DLGAP1: variants seen among roughly 807,000 people sequenced by gnomAD.
DLGAP1 encodes the protein disks large-associated protein 1.
In DLGAP1, 11 loss-of-function variants were observed where a neutral mutation model predicts 90.8. The observed-to-expected ratio is 0.12, with a 90% CI of 0.08 to 0.20. DLGAP1 has a LOEUF of 0.20. Among genes scored for constraint, DLGAP1 ranks in the 10% least tolerant of loss-of-function variants. The pLI, the probability that DLGAP1 is intolerant of heterozygous loss-of-function variation, is 1.00. For missense variants in DLGAP1, 1,050 were observed against 1,333.8 expected, an observed-to-expected ratio of 0.79 and a Z score of 3.31; for synonymous variants, 558 against 540.7, an observed-to-expected ratio of 1.03 and a Z score of -0.44.
rs1185351612 is a variant in DLGAP1, at chr18:3,650,862, T to A, written c.1592-68614A>T. ...GGTGGGCGGATCATGAGGTCAGGAG[T>A]TGGAGACCATCCTGGCCAACATGGT... On this transcript the variant is annotated intron_variant, in intron 7 of 12. Coordinates refer to ENST00000315677, the MANE Select transcript of DLGAP1 (RefSeq NM_004746.4). Among the ~76,000 whole-genome samples the A allele has an allele frequency of 4.3e-3, 530 of 122,320 alleles. No individual in the cohort carries two copies. The Middle Eastern group carries it at 0.057, about 13-fold the overall frequency. The allele number at this position is 122,320 out of a possible 152,430, so 80.2% of individuals were successfully genotyped here.
At chr18:3,822,601 C>T (rs1473048681) in intron 4 of DLGAP1, among the ~76,000 whole-genome samples, 1 of 152,286 alleles carries the variant, frequency 6.6e-6, no homozygotes, top group African/African-American at 2.4e-5. Context: ...GGGTTTGAAG[C>T]TTGTTCCCAT....
At chr18:4,220,115 A>C (rs2144961927) in intron 1 of DLGAP1, among the ~76,000 whole-genome samples, 1 of 152,178 alleles carries the variant, frequency 6.6e-6, no homozygotes, top group African/African-American at 2.4e-5. Context: ...GTGAACACAG[A>C]ATACCTTTCC....
intron 3 of DLGAP1, 70 bp from the exon 4 acceptor site, chr18:3,880,210 G>A: frequency 1.3e-6 from 1 of 751,006 alleles, no homozygotes; most frequent in Non-Finnish European, 2.2e-6. Flanking sequence ...ACTTTACAGG[G>A]TCTTGCTCTG....
At chr18:4,392,277 A>T (rs1307728856) in intron 1 of DLGAP1, among the ~76,000 whole-genome samples, 1 of 152,140 alleles carries the variant, frequency 6.6e-6, no homozygotes, top group African/African-American at 2.4e-5. Context: ...TTAGTGGAGG[A>T]GCTGCTCATA....
chr18:3,913,932 A>G (rs1332637720), intron 3 of DLGAP1, among the ~76,000 whole-genome samples: 2 of 152,244 alleles, frequency 1.3e-5, no homozygotes, highest in Non-Finnish European at 2.9e-5. Context: ...TACTAATTTG[A>G]ACTGGAAACT....
chr18:3,937,275 G>C (rs1034860366), intron 3 of DLGAP1, among the ~76,000 whole-genome samples: 2 of 152,164 alleles, frequency 1.3e-5, no homozygotes, highest in African/African-American at 4.8e-5. Context: ...GTAAAGGAGA[G>C]ATGTTTAATT....
intron 1 of DLGAP1, among the ~76,000 whole-genome samples, chr18:4,434,471 G>C (rs1291251508): frequency 6.6e-6 from 1 of 152,122 alleles, no homozygotes; most frequent in East Asian, 1.9e-4. Context: ...TCTAAAAACA[G>C]CCTGCACGTT....
chr18:4,426,971 T>G (rs1217769282), intron 1 of DLGAP1, among the ~76,000 whole-genome samples: 1 of 152,234 alleles, frequency 6.6e-6, no homozygotes, highest in Admixed American at 6.5e-5. Flanking sequence ...ATTATGAACT[T>G]ACTAATGTTA....
intron 5 of DLGAP1, among the ~76,000 whole-genome samples, chr18:3,763,982 A>G (rs1004665388): frequency 6.6e-6 from 1 of 152,152 alleles, no homozygotes; most frequent in Admixed American, 6.5e-5. Flanking sequence ...TTCTTATGCA[A>G]TACATGCATA....
chr18:3,912,921 C>A lies in DLGAP1; in HGVS notation c.-72-32781G>T, dbSNP rs79346486. On this transcript the variant is annotated intron_variant, in intron 3 of 12. Coordinates refer to ENST00000315677, the MANE Select transcript of DLGAP1 (RefSeq NM_004746.4). Reference sequence around the variant, plus strand: ...AGCTGGGGGAACTCTGTGTTTCCTGCTCCATCCAGAACCATAAGCTATTTA... The same window carrying A: ...AGCTGGGGGAACTCTGTGTTTCCTGATCCATCCAGAACCATAAGCTATTTA... 3.2e-3 allele frequency among the ~76,000 whole-genome samples: 480 copies of A among 152,218 alleles called. 5 individuals are homozygous for A. Among genetic ancestry groups the A allele is most frequent in the South Asian group, 0.027 (129 of 4,828 alleles).
intron 7 of DLGAP1, among the ~76,000 whole-genome samples, chr18:3,688,647 AC>A (rs1567965535): frequency 0.024 from 3,545 of 150,326 alleles, 173 homozygotes; most frequent in African/African-American, 0.083. Context: ...ACACACACAC[AC>A]ACACACACAC....
rs543157905 is a variant in DLGAP1, at chr18:3,793,538, C to T, written c.1172+20521G>A. Among the ~76,000 whole-genome samples the T allele has an allele frequency of 3.9e-5, 6 of 152,126 alleles. No homozygotes were observed. In the South Asian group the frequency reaches 1.2e-3, roughly 32 times the overall value. On this transcript the variant is annotated intron_variant, in intron 5 of 12. Coordinates refer to ENST00000315677, the MANE Select transcript of DLGAP1 (RefSeq NM_004746.4). ...TTGATAGAGCAGCCAGATTTATCCCCTTAAAGTGCTGGTCCTCCACCCAAG... is the reference window on the plus strand; with the variant it reads ...TTGATAGAGCAGCCAGATTTATCCCTTTAAAGTGCTGGTCCTCCACCCAAG...
intron 1 of DLGAP1, among the ~76,000 whole-genome samples, chr18:4,193,471 A>C (rs2077437892): frequency 6.6e-6 from 1 of 152,174 alleles, no homozygotes; most frequent in Admixed American, 6.5e-5. Flanking sequence ...GAAACTGCCC[A>C]AAAACAACAG....
intron 5 of DLGAP1, chr18:3,774,217 G>A (rs2064832761): frequency 6.6e-6 from 1 of 152,186 alleles, no homozygotes; most frequent in Non-Finnish European, 1.5e-5. Flanking sequence ...CTTAGCAAAA[G>A]CCTGGTCAAG....
chr18:4,361,741 C>T (rs2081634333), intron 1 of DLGAP1, among the ~76,000 whole-genome samples: 3 of 152,038 alleles, frequency 2.0e-5, no homozygotes, highest in South Asian at 2.1e-4. Flanking sequence ...ATAATTTTAT[C>T]AATTTTTAAA....
At chr18:4,044,467 G>A (rs760070476) in intron 2 of DLGAP1, among the ~76,000 whole-genome samples, 2 of 152,206 alleles carry the variant, frequency 1.3e-5, no homozygotes, top group Non-Finnish European at 2.9e-5. Context: ...TCCCGGCCAG[G>A]CATGGTGGCT....
chr18:4,214,057 A>G (rs1332710682), intron 1 of DLGAP1, among the ~76,000 whole-genome samples: 10 of 152,190 alleles, frequency 6.6e-5, no homozygotes, highest in Non-Finnish European at 1.3e-4. Flanking sequence ...AGGTGGAGAC[A>G]TGAGGTGAGG....
intron 1 of DLGAP1, among the ~76,000 whole-genome samples, chr18:4,220,410 A>C (rs901482842): frequency 6.6e-6 from 1 of 152,158 alleles, no homozygotes. Context: ...ACTGTGCATG[A>C]GTGCAACTCA....
chr18:3,682,351 G>A (rs1447855478), intron 7 of DLGAP1, among the ~76,000 whole-genome samples: 2 of 152,086 alleles, frequency 1.3e-5, no homozygotes, highest in Admixed American at 1.3e-4. Flanking sequence ...GCAGAACCAA[G>A]AGTCAATTAA....
Sources: allele counts gnomAD v4.1 joint callset (sites outside exome capture counted in the v4.1 genomes callset), GRCh38; gene constraint gnomAD v4.1.1; transcripts MANE v1.5; gene names NCBI Gene and HGNC (gene_info 2026-07-23, HGNC 2026-07-21).